The following BCKDHB variants were observed in gnomAD, a reference collection of about 807,000 sequenced individuals.
BCKDHB encodes branched chain keto acid dehydrogenase E1 subunit beta.
BCKDHB carries 41 observed loss-of-function variants against 48.5 expected under a neutral mutation model. The observed-to-expected ratio is 0.85, with a 90% CI of 0.66 to 1.10. BCKDHB has a LOEUF of 1.10. BCKDHB is among the 50% of genes least tolerant of loss of function. BCKDHB has a pLI of 0.00. For synonymous variants in BCKDHB, 201 were observed against 174.8 expected (o/e 1.15, Z -1.18); for missense variants, 496 against 494.2 (o/e 1.00, Z -0.03).
intron 9 of BCKDHB, among the ~76,000 whole-genome samples, chr6:80,287,999 G>A (rs1355714882): frequency 1.3e-5 from 2 of 152,014 alleles, no homozygotes; most frequent in East Asian, 1.9e-4. Context: ...CAAACTACTC[G>A]AGAATCATTG....
chr6:80,365,232 GTA>G, the BCKDHB span, among the ~76,000 whole-genome samples: 1 of 152,200 alleles, frequency 6.6e-6, no homozygotes, highest in African/African-American at 2.4e-5. Flanking sequence ...AGTGGTGCAT[GTA>G]TTGTCTTGAT....
At chr6:80,370,412 T>G in the BCKDHB span, among the ~76,000 whole-genome samples, 1 of 152,138 alleles carries the variant, frequency 6.6e-6, no homozygotes, top group African/African-American at 2.4e-5. Flanking sequence ...TTTATGTTTG[T>G]TTCAATAGGG....
chr6:80,352,342 A>G, the BCKDHB span, among the ~76,000 whole-genome samples: 1 of 152,080 alleles, frequency 6.6e-6, no homozygotes, highest in Non-Finnish European at 1.5e-5. Flanking sequence ...CTTTAACTGA[A>G]AAAGGGTGAA....
the BCKDHB span, among the ~76,000 whole-genome samples, chr6:80,409,591 T>C: frequency 3.2e-5 from 1 of 31,496 alleles, no homozygotes; most frequent in Non-Finnish European, 5.6e-5. Flanking sequence ...TATATATATA[T>C]ATATATATAT....
At chr6:80,239,903 A>G (rs1373222032) in intron 8 of BCKDHB, among the ~76,000 whole-genome samples, 1 of 152,198 alleles carries the variant, frequency 6.6e-6, no homozygotes, top group Non-Finnish European at 1.5e-5. Context: ...GTCAAAGATC[A>G]GATGGTTGTA....
the BCKDHB span, among the ~76,000 whole-genome samples, chr6:80,437,247 C>T: frequency 6.6e-6 from 1 of 152,164 alleles, no homozygotes; most frequent in East Asian, 1.9e-4. Flanking sequence ...ATGGTTAAAA[C>T]AATAGTTTAA....
At chr6:80,426,914 A>G in the BCKDHB span, among the ~76,000 whole-genome samples, 57 of 152,230 alleles carry the variant, frequency 3.7e-4, no homozygotes, top group African/African-American at 1.3e-3. Flanking sequence ...TTGCTGAGAG[A>G]AAACTTCTAA....
chr6:80,164,601 G>A (rs1772482414), intron 3 of BCKDHB, among the ~76,000 whole-genome samples: 1 of 152,144 alleles, frequency 6.6e-6, no homozygotes. Flanking sequence ...GTTTGCTGCT[G>A]TTAGGAAAGT....
At chr6:80,253,569 G>A (rs1776919034) in intron 8 of BCKDHB, among the ~76,000 whole-genome samples, 1 of 152,054 alleles carries the variant, frequency 6.6e-6, no homozygotes. Flanking sequence ...TACTAGGAAA[G>A]CATAAACTTC....
At chr6:80,182,281 GA>G (rs1356364601) in intron 6 of BCKDHB, among the ~76,000 whole-genome samples, 1 of 152,144 alleles carries the variant, frequency 6.6e-6, no homozygotes, top group Non-Finnish European at 1.5e-5. Context: ...AATTGCCTTT[GA>G]ATTTGTTTGT....
chr6:80,298,266 C>T (rs1320009221), intron 9 of BCKDHB, among the ~76,000 whole-genome samples: 1 of 152,158 alleles, frequency 6.6e-6, no homozygotes, highest in African/African-American at 2.4e-5. Flanking sequence ...GCATGTACCA[C>T]CATGCCTGGC....
At chr6:80,294,428 G>T (rs886330381) in intron 9 of BCKDHB, among the ~76,000 whole-genome samples, 7 of 152,100 alleles carry the variant, frequency 4.6e-5, no homozygotes, top group African/African-American at 1.7e-4. Flanking sequence ...TGACTTTTAG[G>T]GAACAAGGGA....
chr6:80,284,657 A>T (rs979729136), intron 9 of BCKDHB, among the ~76,000 whole-genome samples: 1 of 152,146 alleles, frequency 6.6e-6, no homozygotes, highest in Non-Finnish European at 1.5e-5. Flanking sequence ...GATATAATTC[A>T]TGACTGTTCT....
chr6:80,309,133 G>A (rs1019130365), intron 9 of BCKDHB, among the ~76,000 whole-genome samples: 3 of 150,842 alleles, frequency 2.0e-5, no homozygotes, highest in African/African-American at 7.3e-5. Context: ...GCATGATCTC[G>A]GCTCACTGCA....
chr6:80,244,890 A>G (rs1254566163), intron 8 of BCKDHB, among the ~76,000 whole-genome samples: 1 of 152,226 alleles, frequency 6.6e-6, no homozygotes, highest in African/African-American at 2.4e-5. Flanking sequence ...CAAAGGCAGT[A>G]TCTGGAAGAC....
At chr6:80,107,488 CGCATATATAT>C (rs1486319746) in intron 1 of BCKDHB, among the ~76,000 whole-genome samples, 2 of 133,062 alleles carry the variant, frequency 1.5e-5, no homozygotes, top group African/African-American at 6.1e-5. Context: ...TATATATACG[CGCATATATAT>C]GCATATATAT....
At chr6:80,375,101 CT>C in the BCKDHB span, among the ~76,000 whole-genome samples, 1 of 152,128 alleles carries the variant, frequency 6.6e-6, no homozygotes. Flanking sequence ...TTCATCTTTA[CT>C]TTAGGTAACC....
chr6:80,170,503 G>A (rs181931036), intron 5 of BCKDHB, among the ~76,000 whole-genome samples: 9 of 152,298 alleles, frequency 5.9e-5, no homozygotes, highest in Non-Finnish European at 8.8e-5. Context: ...CAAGCAAGTC[G>A]TGTGACCTTA....
At chr6:80,433,926 A>G in the BCKDHB span, among the ~76,000 whole-genome samples, 5 of 152,056 alleles carry the variant, frequency 3.3e-5, no homozygotes, top group Non-Finnish European at 7.4e-5. Flanking sequence ...ATTTCTTTAA[A>G]TATTTTGTGT....
Sources: gnomAD v4.1 joint callset for allele counts (sites outside exome capture counted in the v4.1 genomes callset) on GRCh38, gnomAD v4.1.1 for gene constraint, MANE v1.5 for transcripts, NCBI Gene and HGNC (gene_info 2026-07-23, HGNC 2026-07-21) for gene names.